PAN3: variants seen among roughly 807,000 people sequenced by gnomAD.
PAN3 encodes the protein poly(A) specific ribonuclease subunit PAN3, also known as PAN2-PAN3 deadenylation complex subunit PAN3.
PAN3 carries 19 observed loss-of-function variants against 96.2 expected under a neutral mutation model. That is an observed-to-expected ratio of 0.20 (90% CI 0.14 to 0.29). The LOEUF (loss-of-function observed/expected upper bound fraction) is 0.29, where lower values mean the gene tolerates loss of function less well. Among genes scored for constraint, PAN3 ranks in the 10% least tolerant of loss-of-function variants. The pLI, the probability that PAN3 is intolerant of heterozygous loss-of-function variation, is 1.00. For missense variants in PAN3, 882 were observed against 1,108.1 expected (o/e 0.80, Z 2.90); for synonymous variants, 433 against 406.6 (o/e 1.06, Z -0.78).
intron 1 of PAN3, among the ~76,000 whole-genome samples, chr13:28,143,398 A>G (rs188339761): frequency 2.6e-5 from 4 of 152,332 alleles, no homozygotes; most frequent in Admixed American, 2.0e-4. Flanking sequence ...AAATGGCTTT[A>G]ATCTTCAAAG....
At chr13:28,217,233 A>T (rs997475993) in intron 5 of PAN3, among the ~76,000 whole-genome samples, 1 of 152,030 alleles carries the variant, frequency 6.6e-6, no homozygotes, top group African/African-American at 2.4e-5. Flanking sequence ...TTGGGGGATG[A>T]TGTCATTTTG....
At chr13:28,144,108 C>T (rs1162449000) in intron 1 of PAN3, among the ~76,000 whole-genome samples, 3 of 149,336 alleles carry the variant, frequency 2.0e-5, no homozygotes, top group Non-Finnish European at 3.0e-5. Context: ...GTGATAGGAA[C>T]AACAACAGCA....
intron 5 of PAN3, among the ~76,000 whole-genome samples, chr13:28,216,549 G>A (rs1219855774): frequency 9.9e-5 from 15 of 152,008 alleles, no homozygotes; most frequent in Admixed American, 9.8e-4. Flanking sequence ...TTCAGAGGAT[G>A]GAAAGATTAC....
intron 6 of PAN3, among the ~76,000 whole-genome samples, chr13:28,231,239 T>A (rs1882526432): frequency 6.6e-6 from 1 of 152,040 alleles, no homozygotes; most frequent in East Asian, 1.9e-4. Context: ...TGATATTTGT[T>A]AAATTAATTA....
chr13:28,197,142 G>A, intron 4 of PAN3, 43 bp from the exon 5 acceptor site: 1 of 1,589,656 alleles, frequency 6.3e-7, no homozygotes, highest in Non-Finnish European at 8.6e-7. Context: ...ATTAGTGTGG[G>A]GGATGTTAGG....
chr13:28,202,659 A>G (rs1878874086), intron 5 of PAN3, among the ~76,000 whole-genome samples: 1 of 130,368 alleles, frequency 7.7e-6, no homozygotes, highest in Non-Finnish European at 1.5e-5. Context: ...ATATATGTAT[A>G]CACACACACA....
chr13:28,247,235 G>C (rs1350469492), intron 6 of PAN3, among the ~76,000 whole-genome samples: 4 of 151,872 alleles, frequency 2.6e-5, no homozygotes, highest in African/African-American at 9.7e-5. Flanking sequence ...TGTCGGTCCT[G>C]ATCTTTTGCC....
chr13:28,148,923 C>A (rs73445101), intron 1 of PAN3, among the ~76,000 whole-genome samples: 1 of 151,936 alleles, frequency 6.6e-6, no homozygotes, highest in Non-Finnish European at 1.5e-5. Flanking sequence ...TATAGTCTTG[C>A]TATTACAAAT....
At chr13:28,261,536 T>TA in intron 9 of PAN3, 78 bp downstream of exon 9, 6 of 1,322,360 alleles carry the variant, frequency 4.5e-6, no homozygotes, top group Non-Finnish European at 5.3e-6. Context: ...TTATGCATTA[T>TA]TAAGAAGAGT....
chr13:28,245,522 A>G (rs1884096738), intron 6 of PAN3, among the ~76,000 whole-genome samples: 1 of 151,812 alleles, frequency 6.6e-6, no homozygotes, highest in African/African-American at 2.4e-5. Flanking sequence ...TTTTTCATTG[A>G]GATATAATTC....
intron 9 of PAN3, among the ~76,000 whole-genome samples, chr13:28,264,283 A>G (rs1442182611): frequency 6.6e-6 from 1 of 152,242 alleles, no homozygotes; most frequent in East Asian, 1.9e-4. Flanking sequence ...TCACACCTGT[A>G]ATCCCAGCAC....
chr13:28,153,261 G>T (rs1871631751), intron 1 of PAN3, among the ~76,000 whole-genome samples: 1 of 111,580 alleles, frequency 9.0e-6, no homozygotes, highest in Non-Finnish European at 1.7e-5. Flanking sequence ...TTTTGAGACC[G>T]AGTCTCGCTC....
chr13:28,231,024 A>C (rs1042492184), intron 6 of PAN3, among the ~76,000 whole-genome samples: 1 of 152,166 alleles, frequency 6.6e-6, no homozygotes, highest in Admixed American at 6.5e-5. Flanking sequence ...ATTTTAGATC[A>C]TTTGGCCAAG....
chr13:28,272,243 C>T, intron 14 of PAN3, 172 bp downstream of exon 14: 1 of 432,620 alleles, frequency 2.3e-6, no homozygotes, highest in Non-Finnish European at 4.1e-6. Context: ...TTCTTCCTTT[C>T]CTTTCCCCTC....
chr13:28,236,244 T>C (rs1883097851), intron 6 of PAN3, among the ~76,000 whole-genome samples: 1 of 152,184 alleles, frequency 6.6e-6, no homozygotes, highest in Admixed American at 6.5e-5. Context: ...AGAATCTTGC[T>C]CAGCGTTTGA....
intron 1 of PAN3, among the ~76,000 whole-genome samples, chr13:28,168,752 C>T (rs1873901479): frequency 6.6e-6 from 1 of 151,904 alleles, no homozygotes; most frequent in Non-Finnish European, 1.5e-5. Flanking sequence ...GATGTGGTGG[C>T]TCACGCCTGT....
intron 6 of PAN3, among the ~76,000 whole-genome samples, chr13:28,253,028 A>G (rs1448732209): frequency 1.3e-5 from 2 of 152,204 alleles, no homozygotes; most frequent in East Asian, 3.8e-4. Context: ...AATGAAGAAG[A>G]AGAAACTTCT....
At chr13:28,256,271 A>AT (rs1164656928) in intron 6 of PAN3, 21 bp from the exon 7 acceptor site, 2 of 1,600,860 alleles carry the variant, frequency 1.2e-6, no homozygotes, top group African/African-American at 2.7e-5. Context: ...CCATTAAGAA[A>AT]CATTTTTACA....
chr13:28,195,015 A>G (rs1359333869), intron 4 of PAN3, among the ~76,000 whole-genome samples: 2 of 152,182 alleles, frequency 1.3e-5, no homozygotes, highest in Non-Finnish European at 2.9e-5. Flanking sequence ...TTTCTAAAGT[A>G]TGATAGCAAA....
Sources: gnomAD v4.1 joint callset for allele counts (sites outside exome capture counted in the v4.1 genomes callset) on GRCh38, gnomAD v4.1.1 for gene constraint, MANE v1.5 for transcripts, NCBI Gene and HGNC (gene_info 2026-07-23, HGNC 2026-07-21) for gene names.